Variants in HORMAD2 observed in about 807,000 individuals in gnomAD.
HORMAD2 encodes HORMA domain containing 2, also known as HORMA domain-containing protein 2.
In HORMAD2, 45 loss-of-function variants were observed where a neutral mutation model predicts 38.8. The observed-to-expected ratio is 1.16, with a 90% confidence interval of 0.91 to 1.49. The LOEUF is 1.49. Ranked by LOEUF, HORMAD2 falls within the 40% of genes most tolerant of loss-of-function variation. The pLI is 0.00. For missense variants in HORMAD2, 338 were observed against 367.0 expected (o/e 0.92, Z 0.65); for synonymous variants, 126 against 122.8 (o/e 1.03, Z -0.17).
intron 10 of HORMAD2, among the ~76,000 whole-genome samples, chr22:30,162,591 A>G (rs1221745578): frequency 3.3e-5 from 5 of 152,044 alleles, no homozygotes; most frequent in Non-Finnish European, 7.4e-5. Context: ...ACTTTTTAAA[A>G]TATGGTTCAA....
chr22:30,193,889 C>A, the HORMAD2 span, among the ~76,000 whole-genome samples: 3 of 152,186 alleles, frequency 2.0e-5, no homozygotes, highest in African/African-American at 4.8e-5. Context: ...GTGAACCCCC[C>A]CTACCCTTCA....
chr22:30,115,107 T>C lies in HORMAD2; in HGVS notation c.342+2585T>C, dbSNP rs1601533170. Among the ~76,000 whole-genome samples the C allele has an allele frequency of 3.3e-5, 5 of 152,270 alleles. 1 individual carries two copies. Among genetic ancestry groups the C allele is most frequent in the Admixed American group, 3.3e-4 (5 of 15,286 alleles). ...CTATTCCTTTGTGCCTGTTTACCAT[T>C]GGAGGTGATCAATACTCTTTATTTT... is the stretch of plus-strand genomic sequence containing the variant. On this transcript the variant is annotated intron_variant, in intron 7 of 10. Coordinates refer to ENST00000336726, the MANE Select transcript of HORMAD2 (RefSeq NM_152510.4).
the HORMAD2 span, among the ~76,000 whole-genome samples, chr22:30,193,192 G>A: frequency 6.6e-5 from 10 of 152,280 alleles, no homozygotes; most frequent in South Asian, 1.0e-3. Flanking sequence ...AAAAGAGACC[G>A]AGGCCTTTTA....
At chr22:30,139,261 T>TATATATATATATAG (rs1923895057) in intron 10 of HORMAD2, among the ~76,000 whole-genome samples, 1 of 121,878 alleles carries the variant, frequency 8.2e-6, no homozygotes, top group African/African-American at 2.9e-5. Context: ...GTACTATATA[T>TATATATATATATAG]ATATATATAT....
chr22:30,087,231 G>A (rs914595498), intron 1 of HORMAD2, among the ~76,000 whole-genome samples: 2 of 152,196 alleles, frequency 1.3e-5, no homozygotes, highest in African/African-American at 4.8e-5. Flanking sequence ...CACAGATTTT[G>A]TGCTTGAGCA....
At chr22:30,123,881 G>A (rs1176559918) in intron 10 of HORMAD2, among the ~76,000 whole-genome samples, 1 of 151,654 alleles carries the variant, frequency 6.6e-6, no homozygotes, top group Non-Finnish European at 1.5e-5. Context: ...TGTTGTCCAG[G>A]CTGATCTTGA....
intron 5 of HORMAD2, among the ~76,000 whole-genome samples, chr22:30,105,940 C>T (rs1392135450): frequency 6.6e-6 from 1 of 152,178 alleles, no homozygotes; most frequent in East Asian, 1.9e-4. Flanking sequence ...GAGGCCAGCT[C>T]TAGAGCCAAA....
intron 1 of HORMAD2, among the ~76,000 whole-genome samples, chr22:30,091,240 C>A (rs971085459): frequency 2.0e-5 from 3 of 148,516 alleles, no homozygotes; most frequent in Non-Finnish European, 4.5e-5. Context: ...CTTTCTCTCT[C>A]TCTCTCTTTC....
At chr22:30,125,205 C>CTTTTTTT (rs1569099710) in intron 10 of HORMAD2, among the ~76,000 whole-genome samples, 1 of 69,470 alleles carries the variant, frequency 1.4e-5, no homozygotes, top group African/African-American at 5.9e-5. Context: ...TTTTCACTTT[C>CTTTTTTT]TTTTTCTTTT....
At chr22:30,166,968 C>T (rs1286262181) in intron 10 of HORMAD2, among the ~76,000 whole-genome samples, 1 of 152,180 alleles carries the variant, frequency 6.6e-6, no homozygotes, top group East Asian at 1.9e-4. Context: ...TAACAAATTA[C>T]AAGTTTGGTG....
chr22:30,181,032 C>T (rs1926694741), downstream of HORMAD2, among the ~76,000 whole-genome samples: 1 of 141,908 alleles, frequency 7.0e-6, no homozygotes, highest in African/African-American at 2.6e-5. Context: ...CTCCCTCCCT[C>T]TCTTCTCTTC....
In HORMAD2 at chr22:30,092,297, T is replaced by G. The variant is rs537386121; in HGVS notation, c.-37-1619T>G. Among the ~76,000 whole-genome samples, 174 of 151,858 alleles carry G rather than the reference T, an allele frequency of 1.1e-3. 3 individuals carry two copies. The South Asian group carries it at 0.018, about 15-fold the overall frequency. ...GTTGAGCATTTTTTCATATACTTAT[T>G]AGCCATTTGTATGCCTTCTTTTGAG... On this transcript the variant is annotated intron_variant, in intron 1 of 10. Transcript: ENST00000336726.
downstream of HORMAD2, among the ~76,000 whole-genome samples, chr22:30,181,796 T>G (rs1286427514): frequency 6.6e-6 from 1 of 152,222 alleles, no homozygotes; most frequent in Non-Finnish European, 1.5e-5. Context: ...TCTAGCAAAT[T>G]GCCTGGCACA....
intron 10 of HORMAD2, among the ~76,000 whole-genome samples, chr22:30,132,522 A>C (rs1384522402): frequency 1.3e-5 from 2 of 150,488 alleles, no homozygotes; most frequent in Non-Finnish European, 3.0e-5. Context: ...CCTGGGAGAC[A>C]GAGGGAGACT....
intron 10 of HORMAD2, among the ~76,000 whole-genome samples, chr22:30,132,548 A>C (rs892467447): frequency 7.2e-5 from 11 of 151,942 alleles, no homozygotes; most frequent in African/African-American, 2.4e-4. Flanking sequence ...TCAAAAAAAA[A>C]AAAACAAAAC....
chr22:30,195,541 T>G, the HORMAD2 span, among the ~76,000 whole-genome samples: 1 of 152,204 alleles, frequency 6.6e-6, no homozygotes, highest in African/African-American at 2.4e-5. Context: ...CACACTGCCT[T>G]GTGCCCATGC....
the HORMAD2 span, among the ~76,000 whole-genome samples, chr22:30,184,086 C>T: frequency 2.6e-5 from 4 of 152,182 alleles, no homozygotes; most frequent in African/African-American, 4.8e-5. Flanking sequence ...ACAAGGAATG[C>T]GGTTAAATCC....
At chr22:30,128,342 T>C (rs1923024841) in intron 10 of HORMAD2, among the ~76,000 whole-genome samples, 1 of 152,222 alleles carries the variant, frequency 6.6e-6, no homozygotes, top group Non-Finnish European at 1.5e-5. Flanking sequence ...TATATTTGTA[T>C]ATGGTTTTAA....
chr22:30,125,374 A>T (rs1601546227), intron 10 of HORMAD2, among the ~76,000 whole-genome samples: 1 of 151,450 alleles, frequency 6.6e-6, no homozygotes, highest in South Asian at 2.1e-4. Flanking sequence ...GATTACAGGC[A>T]TGTGCCACCA....
Sources: gnomAD v4.1 joint callset for allele counts (sites outside exome capture counted in the v4.1 genomes callset) on GRCh38, gnomAD v4.1.1 for gene constraint, MANE v1.5 for transcripts, NCBI Gene and HGNC (gene_info 2026-07-23, HGNC 2026-07-21) for gene names.